The following STK31 variants were observed in gnomAD, a reference collection of about 807,000 sequenced individuals.
The protein encoded by STK31 is serine/threonine-protein kinase 31.
A neutral mutation model predicts 129.7 loss-of-function variants in STK31; 89 were observed. That is an observed-to-expected ratio of 0.69 (90% CI 0.58 to 0.82). STK31 has a LOEUF of 0.82. Among genes scored for constraint, STK31 ranks in the 40% least tolerant of loss-of-function variants. The probability of loss-of-function intolerance (pLI) is 0.00; values close to 1 mark genes in which losing one functional copy is unlikely to be tolerated. For synonymous variants in STK31, 448 were observed against 395.3 expected (o/e 1.13, Z -1.58); for missense variants, 1,187 against 1,176.4 (o/e 1.01, Z -0.13).
At chr7:23,811,357 G>T in intron 22 of STK31, 1 of 384,000 alleles carries the variant, frequency 2.6e-6, no homozygotes, top group South Asian at 2.4e-5. Context: ...CTTCAAGTTT[G>T]CCTTTGATTG....
At chr7:23,734,278 A>G (rs1787594238) in intron 6 of STK31, among the ~76,000 whole-genome samples, 1 of 152,148 alleles carries the variant, frequency 6.6e-6, no homozygotes, top group African/African-American at 2.4e-5. Context: ...TGATGTCCCT[A>G]TTTCAAGGAA....
In STK31 at chr7:23,788,009, C is replaced by T; in HGVS notation, c.2517C>T (p.Ala839=). The T allele has an allele frequency of 1.3e-6, 2 of 1,586,870 alleles. No homozygotes were observed. Among genetic ancestry groups the T allele is most frequent in the Non-Finnish European group, 1.7e-6 (2 of 1,166,376 alleles). Residue 839 remains alanine, a synonymous_variant, in exon 21 of 24, where the codon GCC becomes GCT. Transcript: ENST00000355870. Reference sequence around the variant, plus strand: ...CTTTAAAGGTCATGAAAGGTGTTGCCCAGGGTCTGCATACATTGCATAAGG... The same window carrying T: ...CTTTAAAGGTCATGAAAGGTGTTGCTCAGGGTCTGCATACATTGCATAAGG... ...EETLKVMKGV[A]QGLHTLHKAD... is the part of the protein sequence containing the mutation.
rs1171733344 is a variant in STK31 at position 23,725,289 on chromosome 7, C to T, written c.250-1952C>T. Among the ~76,000 whole-genome samples, 3 of 132,902 alleles carry T rather than the reference C, an allele frequency of 2.3e-5. No homozygotes were observed. The Admixed American group carries it at 2.7e-4, about 12-fold the overall frequency. The allele number at this position is 132,902 out of a possible 152,430, so 87.2% of individuals were successfully genotyped here. ...GGGGCTCATGCCCGTAATCCCAGCA[C>T]TTTGGGAGGCCGAGGCAGGAGGATT... On this transcript the variant is annotated intron_variant, in intron 4 of 23. Coordinates refer to ENST00000355870, the MANE Select transcript of STK31 (RefSeq NM_031414.5).
chr7:23,764,693 A>G (rs913193377), intron 11 of STK31, among the ~76,000 whole-genome samples: 1 of 152,078 alleles, frequency 6.6e-6, no homozygotes, highest in African/African-American at 2.4e-5. Context: ...TTTTTGTTAC[A>G]TATATCTGAA....
At chr7:23,796,952 G>A (rs1282728888) in intron 22 of STK31, among the ~76,000 whole-genome samples, 1 of 152,002 alleles carries the variant, frequency 6.6e-6, no homozygotes, top group Admixed American at 6.6e-5. Context: ...AAAAAAAGCA[G>A]GGATTGCAAT....
intron 23 of STK31, among the ~76,000 whole-genome samples, chr7:23,826,454 G>A (rs1794156886): frequency 6.6e-6 from 1 of 152,220 alleles, no homozygotes; most frequent in South Asian, 2.1e-4. Context: ...TTGCTTGGCA[G>A]ATCTTCCTCC....
intron 1 of STK31, 139 bp downstream of exon 1, chr7:23,710,474 C>A: frequency 6.5e-7 from 1 of 1,529,534 alleles, no homozygotes; most frequent in Non-Finnish European, 8.8e-7. Context: ...CCCGCCACCC[C>A]AGAGGGGTGC....
intron 1 of STK31, 56 bp downstream of exon 1, chr7:23,710,391 G>A (rs537516175): frequency 1.9e-6 from 3 of 1,612,164 alleles, no homozygotes; most frequent in African/African-American, 1.3e-5. Context: ...GACTATTTTC[G>A]TCGCTGCTTG....
intron 23 of STK31, among the ~76,000 whole-genome samples, chr7:23,818,619 TA>T (rs70939858): frequency 0.25 from 37,253 of 148,594 alleles, 5,100 homozygotes; most frequent in Middle Eastern, 0.33. Context: ...TTTGTTTTGT[TA>T]AAAAAAAAAA....
At chr7:23,728,971 T>C in intron 5 of STK31, 120 bp from the exon 6 acceptor site, 1 of 819,612 alleles carries the variant, frequency 1.2e-6, no homozygotes, top group Non-Finnish European at 1.7e-6. Flanking sequence ...TATTTTGTCA[T>C]TTTGAGGTAA....
chr7:23,791,028 A>G, intron 22 of STK31, 82 bp downstream of exon 22: 1 of 1,183,910 alleles, frequency 8.4e-7, no homozygotes, highest in Non-Finnish European at 1.1e-6. Context: ...GATTCTCCTT[A>G]AAAATAAAAA....
At chr7:23,796,410 G>A (rs748144515) in intron 22 of STK31, among the ~76,000 whole-genome samples, 2 of 151,672 alleles carry the variant, frequency 1.3e-5, no homozygotes, top group Non-Finnish European at 1.5e-5. Flanking sequence ...TGTGGTAATA[G>A]CAGTTTTTAT....
At chr7:23,832,069 A>G in intron 23 of STK31, 67 bp from the exon 24 acceptor site, 3 of 1,166,842 alleles carry the variant, frequency 2.6e-6, no homozygotes, top group South Asian at 2.7e-5. Flanking sequence ...AAATAAGTCC[A>G]CTTCCTTCTT....
intron 22 of STK31, among the ~76,000 whole-genome samples, chr7:23,812,937 ACAC>A (rs376182126): frequency 1.4e-3 from 216 of 152,312 alleles, no homozygotes; most frequent in African/African-American, 4.8e-3. Context: ...ACATACATAC[ACAC>A]CACCGTTTCT....
Position 23,832,483 on chromosome 7 carries a change from G to A in STK31, c.*117G>A. The A allele has an allele frequency of 1.4e-6, 1 of 740,570 alleles. No homozygotes were observed. Among genetic ancestry groups the A allele is most frequent in the Non-Finnish European group, 2.2e-6 (1 of 451,704 alleles). 45.9% of individuals were successfully genotyped at this position (740,570 alleles called of 1,614,324 possible). On this transcript the variant is annotated 3_prime_UTR_variant, in exon 24 of 24. Coordinates refer to ENST00000355870, the MANE Select transcript of STK31 (RefSeq NM_031414.5). ...GTTGTATCTTTAGTATTCAGGTTGT[G>A]AAAAATAAAGATGTTTGGCTATGCA...
rs747805635 is a variant in STK31 at position 23,754,429 on chromosome 7, A to T, written c.1248A>T (p.Ala416=). The T allele has an allele frequency of 2.0e-5, 33 of 1,613,910 alleles. No homozygotes were observed. The highest frequency in any genetic ancestry group is 2.7e-5 in the Non-Finnish European group (32 of 1,179,950). Residue 416 remains alanine (A), a synonymous_variant, in exon 10 of 24, where the codon GCA becomes GCT. Transcript: ENST00000355870. The stretch of plus-strand genomic sequence containing the variant: ...TGAATGGATTAGAGATAATATGGGC[A>T]GAATACAGTCTGGCTCAGGAGAATA... ...ASLNGLEIIW[A]EYSLAQENIK... is the part of the protein sequence containing the mutation.
At chr7:23,715,878 AT>A (rs1191955718) in intron 3 of STK31, among the ~76,000 whole-genome samples, 1 of 152,050 alleles carries the variant, frequency 6.6e-6, no homozygotes, top group Non-Finnish European at 1.5e-5. Flanking sequence ...TTAACATTTT[AT>A]TTTGAAGAAA....
chr7:23,781,278 G>GTAT (rs1308806406), intron 15 of STK31, 141 bp from the exon 16 acceptor site: 6 of 559,014 alleles, frequency 1.1e-5, no homozygotes, highest in Non-Finnish European at 1.9e-5. Flanking sequence ...AATTCAGCAA[G>GTAT]TATTAGAAGG....
At chr7:23,806,840 C>T (rs1004741700) in intron 22 of STK31, among the ~76,000 whole-genome samples, 3 of 144,396 alleles carry the variant, frequency 2.1e-5, no homozygotes, top group African/African-American at 7.8e-5. Context: ...GCGGAGCTTG[C>T]AGTGAGCAGA....
Sources: gnomAD v4.1 joint callset for allele counts (sites outside exome capture counted in the v4.1 genomes callset) on GRCh38, gnomAD v4.1.1 for gene constraint, MANE v1.5 for transcripts, NCBI Gene and HGNC (gene_info 2026-07-23, HGNC 2026-07-21) for gene names.